Variants in NSD2 observed in about 807,000 individuals in gnomAD.
NSD2 encodes nuclear receptor binding SET domain protein 2.
Under a neutral mutation model 139.0 loss-of-function variants are expected in NSD2, and 12 were observed. The observed-to-expected ratio is 0.09, with a 90% CI of 0.06 to 0.14. NSD2 has a LOEUF of 0.14. Among genes scored for constraint, NSD2 ranks in the 10% least tolerant of loss-of-function variants. The probability of loss-of-function intolerance (pLI) is 1.00; values close to 1 mark genes in which losing one functional copy is unlikely to be tolerated. For missense variants in NSD2, 1,155 were observed against 1,745.0 expected (o/e 0.66, Z 6.02); for synonymous variants, 669 against 648.7 (o/e 1.03, Z -0.48).
At position 1,948,277 on chromosome 4, in the gene NSD2, T is replaced by A. The variant is rs896946868; in HGVS notation, c.1882-2795T>A. 3.8e-6 allele frequency: 4 copies of A among 1,065,662 alleles called. No individual in the cohort carries two copies. The East Asian group carries it at 1.5e-4, about 40-fold the overall frequency. The allele number at this position is 1,065,662 out of a possible 1,614,324, so 66.0% of individuals were successfully genotyped here. On this transcript the variant is annotated intron_variant, in intron 9 of 21. Coordinates refer to ENST00000508803, the MANE Select transcript of NSD2 (RefSeq NM_001042424.3). This position sits in a 1 kb window ranked among gnomAD's most constrained non-coding sequence, Gnocchi z 4.5. Reference sequence around the variant, plus strand: ...TGTGTCCGCTCAGTCCCTGCACTTTTCCTTTCCAAATGCATCTCGTTGGAT... The same window carrying A: ...TGTGTCCGCTCAGTCCCTGCACTTTACCTTTCCAAATGCATCTCGTTGGAT...
At chr4:1,911,209 C>T (rs963930150) in intron 3 of NSD2, among the ~76,000 whole-genome samples, 3 of 152,040 alleles carry the variant, frequency 2.0e-5, no homozygotes, top group Non-Finnish European at 4.4e-5. Context: ...TTAGTAGAAG[C>T]CAGGTTCTCT....
chr4:1,906,428 A>G (rs1378122771), intron 3 of NSD2, among the ~76,000 whole-genome samples: 3 of 151,398 alleles, frequency 2.0e-5, no homozygotes, highest in Non-Finnish European at 2.9e-5. Flanking sequence ...TTTTGTAGAG[A>G]TGGGGTTTCA....
intron 18 of NSD2, among the ~76,000 whole-genome samples, chr4:1,963,143 A>G (rs899918637): frequency 1.3e-5 from 2 of 152,220 alleles, no homozygotes; most frequent in African/African-American, 4.8e-5. Context: ...AAGGGGCCTG[A>G]GCTTGCTAAG....
chr4:1,940,668 G>C (rs1722994458), intron 9 of NSD2: 1 of 1,061,474 alleles, frequency 9.4e-7, no homozygotes, highest in African/African-American at 1.6e-5. Context: ...TGATAACTGG[G>C]GGCCCTTTTG....
At chr4:1,888,587 G>A (rs1317714542) in intron 1 of NSD2, among the ~76,000 whole-genome samples, 3 of 151,240 alleles carry the variant, frequency 2.0e-5, no homozygotes, top group African/African-American at 7.3e-5. Flanking sequence ...TTTTTTTTGA[G>A]ACTGAGTCTC....
Position 1,974,423 on chromosome 4 carries a change from A to G in NSD2, c.3373-440A>G, listed in dbSNP as rs1232724524. 6.6e-6 allele frequency among the ~76,000 whole-genome samples: 1 copy of G among 152,150 alleles called. No individual in the cohort carries two copies. Among genetic ancestry groups the G allele is most frequent in the Non-Finnish European group, 1.5e-5 (1 of 68,016 alleles). On this transcript the variant is annotated intron_variant, in intron 18 of 21. Transcript: ENST00000508803. This position sits in a 1 kb window ranked among gnomAD's most constrained non-coding sequence, Gnocchi z 4.0. ...GAGATGGGGGTTCACCATGTTGGCT[A>G]GTCTGGTCTCAAATTCCTGACCTCA...
chr4:1,966,281 G>A (rs1193765683), intron 18 of NSD2, among the ~76,000 whole-genome samples: 1 of 152,214 alleles, frequency 6.6e-6, no homozygotes, highest in East Asian at 1.9e-4. Flanking sequence ...AGATCTCAAA[G>A]TAAATACATG....
chr4:1,932,961 G>T (rs1361496887), intron 6 of NSD2, among the ~76,000 whole-genome samples: 2 of 152,198 alleles, frequency 1.3e-5, no homozygotes, highest in East Asian at 1.9e-4. Flanking sequence ...CCTGAGGGGG[G>T]CCTCGAGAGT....
chr4:1,961,435 G>C (rs889302781), intron 18 of NSD2, among the ~76,000 whole-genome samples: 35 of 152,226 alleles, frequency 2.3e-4, no homozygotes, highest in Middle Eastern at 3.2e-3. Flanking sequence ...GGGAAGTAGA[G>C]AGGACACAGA....
At position 1,900,734 on chromosome 4, in the gene NSD2, T is replaced by C; in HGVS notation, c.80T>C (p.Ile27Thr). The C allele has an allele frequency of 6.2e-7, 1 of 1,614,028 alleles. No individual in the cohort carries two copies. The change falls in exon 2 of 22, where the codon ATC becomes ACC. Residue 27 changes from isoleucine (I) to threonine (T), a missense_variant. By Grantham distance (89) the Ile-to-Thr change is moderately conservative. This residue lies in a region of NSD2 where 246 missense variants were observed against 262.8 expected (regional missense o/e 0.94). Transcript: ENST00000508803. ...KCIKMKQAPE[I>T]LGSANGKTPS... is the part of the protein sequence containing the mutation. Reference sequence around the variant, plus strand: ...ATAAAGATGAAGCAGGCACCAGAAATCCTCGGCAGTGCCAACGGGAAGACT... The same window carrying C: ...ATAAAGATGAAGCAGGCACCAGAAACCCTCGGCAGTGCCAACGGGAAGACT...
At chr4:1,891,862 A>AC (rs1715586960) in intron 1 of NSD2, among the ~76,000 whole-genome samples, 1 of 151,272 alleles carries the variant, frequency 6.6e-6, no homozygotes, top group South Asian at 2.1e-4. Context: ...ATCTCAAAAA[A>AC]AAAAAAAAAC....
intron 7 of NSD2, among the ~76,000 whole-genome samples, chr4:1,935,923 G>T (rs1264042589): frequency 6.6e-6 from 1 of 152,118 alleles, no homozygotes; most frequent in Non-Finnish European, 1.5e-5. Context: ...TATTATTCAG[G>T]ATGTAAGTAA....
In NSD2 at chr4:1,978,890, G is replaced by C. The variant is rs1727442545; in HGVS notation, c.4079G>C (p.Arg1360Thr). 12 of 1,563,144 alleles carry C rather than the reference G, an allele frequency of 7.7e-6. No homozygotes were observed. Among genetic ancestry groups the C allele is most frequent in the African/African-American group, 1.4e-5 (1 of 73,462 alleles). The change falls in exon 22 of 22, where the codon AGA (arginine) becomes ACA (threonine). Residue 1360 changes from arginine (R) to threonine (T), a missense_variant. By Grantham distance (71) the Arg-to-Thr change is moderately conservative. This residue lies in a region of NSD2 where 132 missense variants were observed against 94.3 expected (regional missense o/e 1.40). Coordinates refer to ENST00000508803, the MANE Select transcript of NSD2 (RefSeq NM_001042424.3). ...AGGCGGCGGCGGAGGGGCTGGCGGA[G>C]AGTCACAGAGGGCAAATAGCGCCAG... is the stretch of plus-strand genomic sequence containing the variant. ...GKRRRRRGWRRVTEGK is the reference protein window; with the variant it reads ...GKRRRRRGWRTVTEGK
At chr4:1,909,218 TACA>T (rs1718343398) in intron 3 of NSD2, among the ~76,000 whole-genome samples, 3 of 152,280 alleles carry the variant, frequency 2.0e-5, no homozygotes, top group East Asian at 1.9e-4. Flanking sequence ...TACGTTCTGG[TACA>T]ACAAGATGTT....
Position 1,958,089 on chromosome 4 carries a change from C to G in NSD2, c.2985+53C>G. On this transcript the variant is annotated intron_variant, in intron 16 of 21. Coordinates refer to ENST00000508803, the MANE Select transcript of NSD2 (RefSeq NM_001042424.3). This position sits in a 1 kb window ranked among gnomAD's most constrained non-coding sequence, Gnocchi z 4.6. ...TGTGGAGGGAGTCTTCCCCGAGGGC[C>G]GTGAGAGGTTCTTAGGCACACCCAG... 6.4e-7 allele frequency: 1 copy of G among 1,568,450 alleles called. No individual in the cohort carries two copies. The highest frequency in any genetic ancestry group is 8.7e-7 in the Non-Finnish European group (1 of 1,145,284).
At chr4:1,938,585 T>TGGGTGGGTG in intron 8 of NSD2, 53 bp downstream of exon 8, 2 of 546,922 alleles carry the variant, frequency 3.7e-6, no homozygotes, top group Non-Finnish European at 6.9e-6. Flanking sequence ...CAGGCTGGGC[T>TGGGTGGGTG]GGGTGGGTGG....
intron 18 of NSD2, among the ~76,000 whole-genome samples, chr4:1,965,613 A>AT (rs1725807942): frequency 6.6e-6 from 1 of 152,244 alleles, no homozygotes; most frequent in East Asian, 1.9e-4. Flanking sequence ...TGCAAGGTGT[A>AT]TTAGTCTATT....
In NSD2 at chr4:1,953,334, A is replaced by G; in HGVS notation, c.2148A>G (p.Ser716=). Reference sequence around the variant, plus strand: ...TTAACTTTTTGTTAGGGATTCACTCATGTTTCGTGTGTAAAGAGAGCAAGA... The same window carrying G: ...TTAACTTTTTGTTAGGGATTCACTCGTGTTTCGTGTGTAAAGAGAGCAAGA... ...TCSECASGIH[S]CFVCKESKTD... is the part of the protein sequence containing the mutation. The change falls in exon 12 of 22, where the codon TCA becomes TCG. Residue 716 remains serine (S), a synonymous_variant. Coordinates refer to ENST00000508803, the MANE Select transcript of NSD2 (RefSeq NM_001042424.3). The G allele has an allele frequency of 6.2e-7, 1 of 1,614,176 alleles. No homozygotes were observed. The highest frequency in any genetic ancestry group is 8.5e-7 in the Non-Finnish European group (1 of 1,180,036).
rs1256794829 is a variant in NSD2 at position 1,961,039 on chromosome 4, A to T, written c.3260A>T (p.Glu1087Val). The change falls in exon 18 of 22, where the codon GAA becomes GTA. Residue 1087 changes from glutamate (E) to valine (V), a missense_variant. This residue lies in a region of NSD2 where 139 missense variants were observed against 485.8 expected (regional missense o/e 0.29). Coordinates refer to ENST00000508803, the MANE Select transcript of NSD2 (RefSeq NM_001042424.3). ...LVAKRDIRKG[E>V]FVNEYVGELI... ...CCACATGCTTGTGATTTCCAGGGAGAATTTGTTAACGAGTACGTTGGGGAG... is the reference window on the plus strand; with the variant it reads ...CCACATGCTTGTGATTTCCAGGGAGTATTTGTTAACGAGTACGTTGGGGAG... The T allele has an allele frequency of 6.2e-7, 1 of 1,609,918 alleles. No homozygotes were observed. The highest frequency in any genetic ancestry group is 8.5e-7 in the Non-Finnish European group (1 of 1,176,540).
Sources: allele counts gnomAD v4.1 joint callset (sites outside exome capture counted in the v4.1 genomes callset), GRCh38; gene constraint gnomAD v4.1.1; regional missense constraint gnomAD v4.1.1; non-coding constraint Gnocchi (gnomAD v3.1); transcripts MANE v1.5; gene names NCBI Gene and HGNC (gene_info 2026-07-23, HGNC 2026-07-21).